KLF12: variants seen among roughly 807,000 people sequenced by gnomAD.
KLF12 encodes Krueppel-like factor 12.
KLF12 carries 9 observed loss-of-function variants against 37.8 expected under a neutral mutation model. That is an observed-to-expected ratio of 0.24 (90% CI 0.14 to 0.42). KLF12 has a LOEUF of 0.42. KLF12 is among the 10% of genes least tolerant of loss of function. The pLI is 1.00. For missense variants in KLF12, 411 were observed against 516.0 expected (o/e 0.80, Z 1.97); for synonymous variants, 208 against 202.1 (o/e 1.03, Z -0.25).
chr13:74,097,566 T>C (rs946297234), intron 1 of KLF12, among the ~76,000 whole-genome samples: 2 of 152,128 alleles, frequency 1.3e-5, no homozygotes, highest in Non-Finnish European at 2.9e-5. Context: ...AAAGACTTCA[T>C]ATGCTGCTGA....
intron 3 of KLF12, among the ~76,000 whole-genome samples, chr13:73,930,408 C>T (rs1485684164): frequency 1.3e-5 from 2 of 152,126 alleles, no homozygotes; most frequent in East Asian, 1.9e-4. Context: ...ACACTGAATG[C>T]TAATAATGTT....
chr13:74,169,483 T>C, the KLF12 span, among the ~76,000 whole-genome samples: 1 of 152,184 alleles, frequency 6.6e-6, no homozygotes, highest in Admixed American at 6.5e-5. Context: ...GAGAGAATAA[T>C]AACTAATACA....
chr13:74,175,954 C>T, the KLF12 span, among the ~76,000 whole-genome samples: 2 of 152,126 alleles, frequency 1.3e-5, no homozygotes, highest in African/African-American at 4.8e-5. Context: ...TTCTGTGTTT[C>T]CTCTCCCCTG....
At chr13:73,906,128 A>G (rs977433463) in intron 3 of KLF12, among the ~76,000 whole-genome samples, 2 of 152,100 alleles carry the variant, frequency 1.3e-5, no homozygotes, top group South Asian at 4.1e-4. Flanking sequence ...ACCAACTCCA[A>G]TTTTTTTAGT....
chr13:73,989,447 G>A (rs1891906978), intron 2 of KLF12, among the ~76,000 whole-genome samples: 1 of 152,194 alleles, frequency 6.6e-6, no homozygotes, highest in South Asian at 2.1e-4. Flanking sequence ...GTTGTTGAAA[G>A]AACAAACACA....
At chr13:74,156,890 T>C in the KLF12 span, among the ~76,000 whole-genome samples, 1 of 152,146 alleles carries the variant, frequency 6.6e-6, no homozygotes, top group African/African-American at 2.4e-5. Context: ...GATGGACAGG[T>C]TGCTTTCAAG....
chr13:74,128,370 G>A (rs1321086465), intron 1 of KLF12, among the ~76,000 whole-genome samples: 4 of 149,342 alleles, frequency 2.7e-5, no homozygotes, highest in Non-Finnish European at 4.5e-5. Context: ...CAGTGTGGGG[G>A]CGGTGGAGGT....
chr13:74,101,108 G>A (rs757738998), intron 1 of KLF12, among the ~76,000 whole-genome samples: 3 of 152,070 alleles, frequency 2.0e-5, no homozygotes, highest in Non-Finnish European at 4.4e-5. Flanking sequence ...CCCAGAATAT[G>A]TCTTCCCCTT....
the KLF12 span, among the ~76,000 whole-genome samples, chr13:74,251,895 C>T: frequency 6.6e-6 from 1 of 152,160 alleles, no homozygotes; most frequent in Non-Finnish European, 1.5e-5. Context: ...AGTTTCCAGA[C>T]CCCAGTTGCA....
At chr13:73,991,820 G>A (rs541147984) in intron 2 of KLF12, among the ~76,000 whole-genome samples, 3 of 152,312 alleles carry the variant, frequency 2.0e-5, no homozygotes, top group East Asian at 3.9e-4. Context: ...AGAAAAGCTG[G>A]ATTGCTGCTA....
rs1394188841 is a variant in KLF12 at position 73,692,494 on chromosome 13, G to C, written c.*2996C>G. On this transcript the variant is annotated 3_prime_UTR_variant, in exon 8 of 8. Coordinates refer to ENST00000377669, the MANE Select transcript of KLF12 (RefSeq NM_007249.5). ...AGCTTCAAATTTAAAATCAAAGAATGCTTCTAGTTACGGAACAACTGTTAT... is the reference window on the plus strand; with the variant it reads ...AGCTTCAAATTTAAAATCAAAGAATCCTTCTAGTTACGGAACAACTGTTAT... The C allele has an allele frequency of 2.0e-5, 3 of 152,604 alleles. No individual in the cohort carries two copies. The South Asian group carries it at 6.2e-4, about 32-fold the overall frequency. 9.5% of individuals were successfully genotyped at this position (152,604 alleles called of 1,614,324 possible).
intron 1 of KLF12, among the ~76,000 whole-genome samples, chr13:74,046,616 AAG>A (rs778507402): frequency 4.1e-4 from 62 of 152,152 alleles, no homozygotes; most frequent in Non-Finnish European, 7.2e-4. Context: ...TACTAGAAAA[AAG>A]AGAGTTACTG....
chr13:73,791,384 A>C (rs1452791224), intron 5 of KLF12, among the ~76,000 whole-genome samples: 1 of 152,172 alleles, frequency 6.6e-6, no homozygotes, highest in African/African-American at 2.4e-5. Flanking sequence ...TTTCCTCTTT[A>C]AACTGTCATT....
chr13:74,192,119 C>G, the KLF12 span, among the ~76,000 whole-genome samples: 3 of 151,686 alleles, frequency 2.0e-5, no homozygotes, highest in South Asian at 2.1e-4. Context: ...GTGTGCTTTC[C>G]CAGAGAGCAG....
chr13:74,093,912 G>A (rs1303375689), intron 1 of KLF12, among the ~76,000 whole-genome samples: 1 of 151,308 alleles, frequency 6.6e-6, no homozygotes, highest in East Asian at 1.9e-4. Context: ...TCCTTCTTAG[G>A]AAAGGGCTAT....
chr13:74,051,341 A>AAC (rs10678885), intron 1 of KLF12, among the ~76,000 whole-genome samples: 35,858 of 143,428 alleles, frequency 0.25, 4,419 homozygotes, highest in East Asian at 0.44. Flanking sequence ...TACACACACA[A>AAC]ACACACACAC....
chr13:74,028,890 A>G (rs772422746), intron 1 of KLF12, among the ~76,000 whole-genome samples: 3 of 152,100 alleles, frequency 2.0e-5, no homozygotes, highest in Non-Finnish European at 4.4e-5. Context: ...ATCTAGAGAA[A>G]TAGCAGTAAA....
chr13:73,805,672 GGAAGGA>G (rs1882562264), intron 5 of KLF12, among the ~76,000 whole-genome samples: 10 of 118,792 alleles, frequency 8.4e-5, no homozygotes, highest in Non-Finnish European at 1.6e-4. Context: ...AAGGAAGGAA[GGAAGGA>G]AGGAAGGAAG....
At chr13:73,847,023 A>AT (rs1462768358) in intron 3 of KLF12, among the ~76,000 whole-genome samples, 2 of 152,186 alleles carry the variant, frequency 1.3e-5, no homozygotes, top group African/African-American at 2.4e-5. Flanking sequence ...AATGATGATA[A>AT]TGTTGTTCAA....
Sources: allele counts gnomAD v4.1 joint callset (sites outside exome capture counted in the v4.1 genomes callset), GRCh38; gene constraint gnomAD v4.1.1; transcripts MANE v1.5; gene names NCBI Gene and HGNC (gene_info 2026-07-23, HGNC 2026-07-21).